The following TTC28 variants were observed in gnomAD, a reference collection of about 807,000 sequenced individuals.
The protein encoded by TTC28 is tetratricopeptide repeat protein 28.
In TTC28, 61 loss-of-function variants were observed where a neutral mutation model predicts 198.0. The observed-to-expected ratio is 0.31, with a 90% CI of 0.25 to 0.38. The LOEUF is 0.38. Ranked by LOEUF, TTC28 falls within the 10% of genes least tolerant of loss-of-function variation. TTC28 has a pLI of 1.00. For missense variants in TTC28, 2,678 were observed against 3,164.0 expected (o/e 0.85, Z 3.69); for synonymous variants, 1,171 against 1,297.8 (o/e 0.90, Z 2.10).
At chr22:28,361,027 GCCATTC>G (rs1416763907) in intron 2 of TTC28, among the ~76,000 whole-genome samples, 2 of 152,142 alleles carry the variant, frequency 1.3e-5, no homozygotes, top group African/African-American at 2.4e-5. Flanking sequence ...CCACCAACCA[GCCATTC>G]CCTTGTCTCT....
chr22:28,023,399 T>C (rs1160733872), intron 13 of TTC28, among the ~76,000 whole-genome samples: 3 of 152,176 alleles, frequency 2.0e-5, no homozygotes, highest in Non-Finnish European at 4.4e-5. Context: ...GCTGACCCCA[T>C]TCAGAGATCA....
intron 12 of TTC28, 136 bp from the exon 13 acceptor site, chr22:28,030,502 A>C (rs1187275238): frequency 1.3e-5 from 14 of 1,074,596 alleles, no homozygotes; most frequent in Middle Eastern, 3.1e-4. Flanking sequence ...GCATCACCCC[A>C]CTCCCTCCTC....
intron 2 of TTC28, among the ~76,000 whole-genome samples, chr22:28,349,739 T>C (rs2045964137): frequency 6.6e-6 from 1 of 152,224 alleles, no homozygotes; most frequent in South Asian, 2.1e-4. Context: ...AAACATTACA[T>C]ATAAATGTAA....
intron 2 of TTC28, among the ~76,000 whole-genome samples, chr22:28,328,213 C>A (rs1419240156): frequency 6.6e-6 from 1 of 152,098 alleles, no homozygotes; most frequent in African/African-American, 2.4e-5. Context: ...GGGAGAATGG[C>A]TTGAGTCCAG....
intron 2 of TTC28, among the ~76,000 whole-genome samples, chr22:28,346,421 T>A (rs1487539105): frequency 6.6e-6 from 1 of 152,222 alleles, no homozygotes; most frequent in Non-Finnish European, 1.5e-5. Context: ...TTGAGGCTAC[T>A]TTATGTTCAC....
At chr22:28,503,510 C>T (rs2048563996) in intron 2 of TTC28, among the ~76,000 whole-genome samples, 1 of 152,072 alleles carries the variant, frequency 6.6e-6, no homozygotes, top group Non-Finnish European at 1.5e-5. Context: ...GAAAAACTCA[C>T]TTAATGTCAT....
At chr22:27,998,155 A>C in intron 16 of TTC28, 1 of 239,564 alleles carries the variant, frequency 4.2e-6, no homozygotes. Context: ...CAGAGAGGGT[A>C]AGTAACCTAT....
intron 2 of TTC28, among the ~76,000 whole-genome samples, chr22:28,513,516 A>T (rs5762666): frequency 0.26 from 40,245 of 152,196 alleles, 6,674 homozygotes; most frequent in South Asian, 0.39. Flanking sequence ...AGGCAGGAGA[A>T]GCACTTGAGC....
intron 8 of TTC28, 98 bp from the exon 9 acceptor site, chr22:28,101,378 T>C (rs1942147534): frequency 9.4e-7 from 1 of 1,067,356 alleles, no homozygotes; most frequent in Non-Finnish European, 1.4e-6. Context: ...TGTTTTTGTT[T>C]GTTTTGAGAC....
chr22:28,177,907 A>C (rs907102449), intron 5 of TTC28, among the ~76,000 whole-genome samples: 1 of 152,208 alleles, frequency 6.6e-6, no homozygotes, highest in Admixed American at 6.5e-5. Context: ...ACTATTCTGC[A>C]TGATAATACT....
chr22:28,548,345 AT>A (rs1208169705), intron 2 of TTC28, among the ~76,000 whole-genome samples: 3 of 152,228 alleles, frequency 2.0e-5, no homozygotes, highest in Non-Finnish European at 4.4e-5. Flanking sequence ...TTGAGGAAGT[AT>A]GAGGTAGGGT....
At chr22:28,369,812 C>T (rs1569287362) in intron 2 of TTC28, among the ~76,000 whole-genome samples, 1 of 152,108 alleles carries the variant, frequency 6.6e-6, no homozygotes, top group Non-Finnish European at 1.5e-5. Flanking sequence ...TAAAAACTTT[C>T]AGAATAAATG....
intron 5 of TTC28, among the ~76,000 whole-genome samples, chr22:28,271,384 C>G (rs1932061005): frequency 2.0e-5 from 3 of 152,256 alleles, no homozygotes; most frequent in African/African-American, 7.2e-5. Flanking sequence ...TATAGATGAA[C>G]ATAATCTGGC....
intron 12 of TTC28, among the ~76,000 whole-genome samples, chr22:28,090,912 C>T (rs894243194): frequency 6.6e-6 from 1 of 152,134 alleles, no homozygotes; most frequent in Non-Finnish European, 1.5e-5. Context: ...AAATCTCTAA[C>T]AAGATTACTC....
intron 2 of TTC28, among the ~76,000 whole-genome samples, chr22:28,371,179 G>C (rs118051965): frequency 0.014 from 2,148 of 152,102 alleles, 28 homozygotes; most frequent in Non-Finnish European, 0.019. Context: ...TAAGGAGTTA[G>C]TAATAGAACC....
chr22:28,463,456 A>T (rs570650138), intron 2 of TTC28, among the ~76,000 whole-genome samples: 20 of 152,334 alleles, frequency 1.3e-4, no homozygotes, highest in African/African-American at 4.8e-4. Flanking sequence ...ATAATGGCAC[A>T]TGCACACATG....
chr22:27,996,329 G>T (rs1937551331), intron 16 of TTC28, 70 bp from the exon 17 acceptor site: 1 of 1,519,038 alleles, frequency 6.6e-7, no homozygotes, highest in Middle Eastern at 2.2e-4. Context: ...GGCTTCCAGG[G>T]CTCACTTACG....
intron 12 of TTC28, among the ~76,000 whole-genome samples, chr22:28,052,845 C>T (rs1940137784): frequency 6.6e-6 from 1 of 152,234 alleles, no homozygotes; most frequent in African/African-American, 2.4e-5. Context: ...TGGCTTTATT[C>T]ATCTCTTTCT....
chr22:28,462,981 A>C (rs1568959484), intron 2 of TTC28, among the ~76,000 whole-genome samples: 1 of 152,216 alleles, frequency 6.6e-6, no homozygotes, highest in East Asian at 1.9e-4. Flanking sequence ...ACAACAGTAC[A>C]ATAGCTTAAA....
Sources: gnomAD v4.1 joint callset for allele counts (sites outside exome capture counted in the v4.1 genomes callset) on GRCh38, gnomAD v4.1.1 for gene constraint, MANE v1.5 for transcripts, NCBI Gene and HGNC (gene_info 2026-07-23, HGNC 2026-07-21) for gene names.